PARD3B: variants seen among roughly 807,000 people sequenced by gnomAD.
PARD3B encodes par-3 family cell polarity regulator beta.
In PARD3B, 103 loss-of-function variants were observed where a neutral mutation model predicts 130.2. That is an observed-to-expected ratio of 0.79 (90% CI 0.67 to 0.93). The LOEUF (loss-of-function observed/expected upper bound fraction) is 0.93. PARD3B is among the 40% of genes least tolerant of loss of function. The probability of loss-of-function intolerance (pLI) is 0.00; values close to 1 mark genes in which losing one functional copy is unlikely to be tolerated. For missense variants in PARD3B, 1,609 were observed against 1,499.2 expected, an observed-to-expected ratio of 1.07 and a Z score of -1.21; for synonymous variants, 583 against 553.2, an observed-to-expected ratio of 1.05 and a Z score of -0.76.
At chr2:205,112,427 T>A (rs1161938966) in intron 5 of PARD3B, among the ~76,000 whole-genome samples, 1 of 152,128 alleles carries the variant, frequency 6.6e-6, no homozygotes, top group Admixed American at 6.5e-5. Flanking sequence ...AATGCTGTTC[T>A]CAACTTTCCA....
chr2:204,581,713 T>C (rs145646073), intron 1 of PARD3B, among the ~76,000 whole-genome samples: 37 of 152,310 alleles, frequency 2.4e-4, no homozygotes, highest in African/African-American at 8.4e-4. Context: ...GCTACCTGTT[T>C]TCAGGATGCA....
chr2:204,668,953 A>G, intron 1 of PARD3B, among the ~76,000 whole-genome samples: 1 of 152,114 alleles, frequency 6.6e-6, no homozygotes, highest in Non-Finnish European at 1.5e-5. Flanking sequence ...GTTGGAAGGG[A>G]CCAAAGAGCT....
chr2:204,745,856 A>G (rs2040201517), intron 2 of PARD3B, among the ~76,000 whole-genome samples: 1 of 152,024 alleles, frequency 6.6e-6, no homozygotes, highest in Non-Finnish European at 1.5e-5. Context: ...GAATTCCGCC[A>G]TGGACTCCCA....
At chr2:205,221,778 C>T (rs987333088) in intron 15 of PARD3B, among the ~76,000 whole-genome samples, 1 of 152,110 alleles carries the variant, frequency 6.6e-6, no homozygotes, top group Non-Finnish European at 1.5e-5. Context: ...TCCCTTTTCC[C>T]CTGCTCTGAC....
At chr2:204,975,877 T>C (rs770386919) in intron 3 of PARD3B, among the ~76,000 whole-genome samples, 1 of 152,242 alleles carries the variant, frequency 6.6e-6, no homozygotes, top group South Asian at 2.1e-4. Context: ...TTGAGAAGTT[T>C]GGAGAATGCA....
At chr2:204,947,927 G>T (rs1001185950) in intron 2 of PARD3B, among the ~76,000 whole-genome samples, 15 of 152,118 alleles carry the variant, frequency 9.9e-5, no homozygotes, top group African/African-American at 3.6e-4. Flanking sequence ...AAACTACTTT[G>T]TATACTCATG....
chr2:204,954,821 T>C (rs937347262), intron 2 of PARD3B, among the ~76,000 whole-genome samples: 3 of 152,218 alleles, frequency 2.0e-5, no homozygotes, highest in Non-Finnish European at 4.4e-5. Context: ...ATCCATCACT[T>C]TGAAATTTTT....
chr2:205,269,945 G>GCTTCA lies in PARD3B; in HGVS notation c.2185+24123_2185+24124insCTTCA, dbSNP rs2040655436. Reference sequence around the variant, plus strand: ...GCAAATAATAACTGAAGATTTTAAGGGACAACTTCAGACAATAATACCTAA... The same window carrying GCTTCA: ...GCAAATAATAACTGAAGATTTTAAGGCTTCAGACAACTTCAGACAATAATACCTAA... On this transcript the variant is annotated intron_variant, in intron 16 of 22. Transcript: ENST00000406610. The surrounding 1 kb of genome is among the most constrained non-coding windows in gnomAD (Gnocchi z 4.7). Among the ~76,000 whole-genome samples the GCTTCA allele has an allele frequency of 6.6e-6, 1 of 151,956 alleles. No individual in the cohort carries two copies. The highest frequency in any genetic ancestry group is 2.4e-5 in the African/African-American group (1 of 41,352).
At position 205,576,942 on chromosome 2, in the gene PARD3B, A is replaced by C. The variant is rs568803270; in HGVS notation, c.3260+23539A>C. On this transcript the variant is annotated intron_variant, in intron 22 of 22. Coordinates refer to ENST00000406610, the MANE Select transcript of PARD3B (RefSeq NM_001302769.2). ...ATCCATAAACATGGAATGTCTCTCC[A>C]TTTATTTAGGTCTTCTTTGATTTCT... Among the ~76,000 whole-genome samples the C allele has an allele frequency of 4.6e-5, 7 of 152,278 alleles. No homozygotes were observed. In the South Asian group the frequency reaches 1.0e-3, roughly 23 times the overall value.
rs1165815856 is a variant in PARD3B at position 205,589,770 on chromosome 2, T to C, written c.3261-25686T>C. 6.6e-6 allele frequency among the ~76,000 whole-genome samples: 1 copy of C among 152,182 alleles called. No homozygotes were observed. Among genetic ancestry groups the C allele is most frequent in the Non-Finnish European group, 1.5e-5 (1 of 68,014 alleles). ...CATATGTAGTTACTAAAGTTAGTTA[T>C]AGGCACAGATATCTGAGCCTAAAGG... On this transcript the variant is annotated intron_variant, in intron 22 of 22. Transcript: ENST00000406610. This position sits in a 1 kb window ranked among gnomAD's most constrained non-coding sequence, Gnocchi z 4.1.
At chr2:205,175,408 G>A (rs1052088286) in intron 12 of PARD3B, among the ~76,000 whole-genome samples, 1 of 152,128 alleles carries the variant, frequency 6.6e-6, no homozygotes, top group African/African-American at 2.4e-5. Context: ...AAAAGCTAAA[G>A]GACCTTCAGC....
intron 15 of PARD3B, among the ~76,000 whole-genome samples, chr2:205,210,257 T>A (rs11885582): frequency 0.17 from 25,526 of 151,652 alleles, 2,493 homozygotes; most frequent in African/African-American, 0.27. Context: ...AAAAAGAAAA[T>A]CAGCTTTAGT....
At chr2:205,140,161 A>G (rs2032829112) in intron 10 of PARD3B, among the ~76,000 whole-genome samples, 1 of 152,222 alleles carries the variant, frequency 6.6e-6, no homozygotes, top group African/African-American at 2.4e-5. Flanking sequence ...CCGGGCAGGT[A>G]GTGAAAGGCC....
intron 3 of PARD3B, among the ~76,000 whole-genome samples, chr2:205,014,752 A>C (rs1020191579): frequency 9.2e-5 from 14 of 152,194 alleles, no homozygotes; most frequent in African/African-American, 3.4e-4. Flanking sequence ...TTGAACACAC[A>C]TGTAACTGCA....
chr2:204,929,101 T>C (rs1041380335), intron 2 of PARD3B, among the ~76,000 whole-genome samples: 2 of 152,232 alleles, frequency 1.3e-5, no homozygotes, highest in South Asian at 2.1e-4. Context: ...CAGAATACTT[T>C]TTTTTTTTCC....
intron 2 of PARD3B, among the ~76,000 whole-genome samples, chr2:204,720,040 C>T (rs780035567): frequency 2.7e-5 from 4 of 148,166 alleles, no homozygotes; most frequent in Admixed American, 6.7e-5. Context: ...TAAAGAGGCA[C>T]ATGACATTGC....
chr2:205,281,283 C>T lies in PARD3B; in HGVS notation c.2186-19247C>T, dbSNP rs768163319. Among the ~76,000 whole-genome samples, 1 of 152,172 alleles carries T rather than the reference C, an allele frequency of 6.6e-6. No homozygotes were observed. The highest frequency in any genetic ancestry group is 1.5e-5 in the Non-Finnish European group (1 of 68,028). The stretch of plus-strand genomic sequence containing the variant: ...TAAATAAACATCTACTTTAGCATCT[C>T]AGGTACTGAAAAGAATTTGAAAATT... On this transcript the variant is annotated intron_variant, in intron 16 of 22. Transcript: ENST00000406610. This position sits in a 1 kb window ranked among gnomAD's most constrained non-coding sequence, Gnocchi z 4.2.
intron 2 of PARD3B, among the ~76,000 whole-genome samples, chr2:204,726,501 G>A (rs536745720): frequency 3.9e-5 from 6 of 152,186 alleles, no homozygotes; most frequent in East Asian, 1.9e-4. Context: ...CAATGTTGGC[G>A]TCAAGGGTGA....
rs1334285321 is a variant in PARD3B, at chr2:204,890,222, G to T, written c.223-74930G>T. On this transcript the variant is annotated intron_variant, in intron 2 of 22. Transcript: ENST00000406610. The surrounding 1 kb of genome is among the most constrained non-coding windows in gnomAD (Gnocchi z 4.9). ...GTGTCAATGCTGTGGTGGCCCTAGT[G>T]TGTACAGGAAGGTATGCTTTGGTTC... Among the ~76,000 whole-genome samples the T allele has an allele frequency of 6.6e-6, 1 of 152,182 alleles. No individual in the cohort carries two copies. Among genetic ancestry groups the T allele is most frequent in the Non-Finnish European group, 1.5e-5 (1 of 68,040 alleles).
Sources: allele counts gnomAD v4.1 joint callset (sites outside exome capture counted in the v4.1 genomes callset), GRCh38; gene constraint gnomAD v4.1.1; non-coding constraint Gnocchi (gnomAD v3.1); transcripts MANE v1.5; gene names NCBI Gene and HGNC (gene_info 2026-07-23, HGNC 2026-07-21).